Variants in SH3RF3 observed in about 807,000 individuals in gnomAD.
SH3RF3 encodes SH3 domain containing ring finger 3.
Under a neutral mutation model 66.3 loss-of-function variants are expected in SH3RF3, and 29 were observed. That is an observed-to-expected ratio of 0.44 (90% CI 0.33 to 0.60). SH3RF3 has a LOEUF of 0.60. SH3RF3 is among the 20% of genes least tolerant of loss of function. The pLI is 0.04. For synonymous variants in SH3RF3, 583 were observed against 532.0 expected (o/e 1.10, Z -1.32); for missense variants, 1,194 against 1,190.9 (o/e 1.00, Z -0.04).
At chr2:109,400,269 C>T (rs1276876901) in intron 4 of SH3RF3, among the ~76,000 whole-genome samples, 2 of 151,712 alleles carry the variant, frequency 1.3e-5, no homozygotes, top group African/African-American at 4.8e-5. Flanking sequence ...ACATGCCCGC[C>T]CGCACATATG....
chr2:109,353,831 G>GGT (rs977934291), intron 2 of SH3RF3, among the ~76,000 whole-genome samples: 6 of 152,122 alleles, frequency 3.9e-5, no homozygotes, highest in Non-Finnish European at 8.8e-5. Flanking sequence ...GCAGTGAGAG[G>GGT]GTGTGATCTC....
chr2:109,347,575 C>T, intron 1 of SH3RF3, 99 bp from the exon 2 acceptor site: 2 of 1,481,478 alleles, frequency 1.3e-6, no homozygotes, highest in Admixed American at 2.2e-5. Flanking sequence ...CCCCAGGACA[C>T]AGAAAGCCCC....
intron 4 of SH3RF3, among the ~76,000 whole-genome samples, chr2:109,400,068 G>T (rs956041943): frequency 6.6e-6 from 1 of 152,228 alleles, no homozygotes; most frequent in African/African-American, 2.4e-5. Flanking sequence ...TAAGCAACTG[G>T]CTGGGAAGAA....
chr2:109,250,571 A>G (rs1392097327), intron 1 of SH3RF3, among the ~76,000 whole-genome samples: 1 of 152,048 alleles, frequency 6.6e-6, no homozygotes, highest in Non-Finnish European at 1.5e-5. Context: ...CATGATAAAT[A>G]CAGAAAAACC....
intron 4 of SH3RF3, among the ~76,000 whole-genome samples, chr2:109,407,892 G>A (rs982703782): frequency 2.6e-5 from 4 of 152,182 alleles, no homozygotes; most frequent in African/African-American, 9.7e-5. Context: ...GCGTCCTGAT[G>A]ATTTTTGTCG....
At chr2:109,239,408 G>A (rs1679725745) in intron 1 of SH3RF3, among the ~76,000 whole-genome samples, 1 of 152,188 alleles carries the variant, frequency 6.6e-6, no homozygotes, top group Non-Finnish European at 1.5e-5. Flanking sequence ...ATAAGAATAA[G>A]GATACAGTTT....
intron 1 of SH3RF3, among the ~76,000 whole-genome samples, chr2:109,340,119 T>C (rs1682526893): frequency 6.6e-6 from 1 of 152,142 alleles, no homozygotes; most frequent in African/African-American, 2.4e-5. Flanking sequence ...AAATAATGGC[T>C]GAGTTACTTT....
chr2:109,347,848 T>TGCATCCAGC lies in SH3RF3; in HGVS notation c.749_757dup (p.Gln252_Pro253insArgIleGln). ...CTTCCTCCCAGCCAGCTATATCCAG[T>TGCATCCAGC]GCATCCAGCCCTTGCCACACGCCCC... On this transcript the variant is annotated inframe_insertion, in exon 2 of 10. Coordinates refer to ENST00000309415, the MANE Select transcript of SH3RF3 (RefSeq NM_001099289.3). The TGCATCCAGC allele has an allele frequency of 6.2e-7, 1 of 1,613,826 alleles. No homozygotes were observed. Among genetic ancestry groups the TGCATCCAGC allele is most frequent in the Non-Finnish European group, 8.5e-7 (1 of 1,179,824 alleles).
chr2:109,318,032 G>A (rs1681927597), intron 1 of SH3RF3, among the ~76,000 whole-genome samples: 1 of 151,562 alleles, frequency 6.6e-6, no homozygotes, highest in South Asian at 2.1e-4. Flanking sequence ...GCAAAGGGCA[G>A]GGAGGATCAT....
At position 109,130,105 on chromosome 2, in the gene SH3RF3, G is replaced by A. The variant is rs1046116275; in HGVS notation, c.565G>A (p.Ala189Thr). ...GCTGGCGACCAGCAGGACCGCGCCGGCGGCAAAGGTGAGTATCTGTCTCGG... is the reference window on the plus strand; with the variant it reads ...GCTGGCGACCAGCAGGACCGCGCCGACGGCAAAGGTGAGTATCTGTCTCGG... ...RELATSRTAP[A>T]AKNPCLLPYG... is the part of the protein sequence containing the mutation. Residue 189 changes from alanine to threonine, a missense_variant, in exon 1 of 10, where the codon GCG becomes ACG. Physicochemically the swap from Ala to Thr is moderately conservative, Grantham distance 58 (BLOSUM62 0). Coordinates refer to ENST00000309415, the MANE Select transcript of SH3RF3 (RefSeq NM_001099289.3). The A allele has an allele frequency of 4.5e-6, 6 of 1,330,310 alleles. No individual in the cohort carries two copies. In the African/African-American group the frequency reaches 7.7e-5, roughly 17 times the overall value. 82.4% of individuals were successfully genotyped at this position (1,330,310 alleles called of 1,614,324 possible). A position where few individuals can be genotyped will look rare whatever the true frequency, so the allele number is the denominator to read the frequency against.
At chr2:109,240,003 C>G (rs1230723730) in intron 1 of SH3RF3, among the ~76,000 whole-genome samples, 1 of 152,210 alleles carries the variant, frequency 6.6e-6, no homozygotes, top group African/African-American at 2.4e-5. Context: ...CTTGCTGGCT[C>G]ATGATAGATG....
Position 109,156,325 on chromosome 2 carries a change from G to C in SH3RF3, c.573+26212G>C, listed in dbSNP as rs184645970. 3.3e-5 allele frequency among the ~76,000 whole-genome samples: 5 copies of C among 152,316 alleles called. No homozygotes were observed. In the East Asian group the frequency reaches 9.6e-4, roughly 29 times the overall value. On this transcript the variant is annotated intron_variant, in intron 1 of 9. Coordinates refer to ENST00000309415, the MANE Select transcript of SH3RF3 (RefSeq NM_001099289.3). The stretch of plus-strand genomic sequence containing the variant: ...TTCTCCGCCCCTCGCATCTTCCCCT[G>C]CTGGGACTGTGCTTTCTCTCCTAGA...
intron 1 of SH3RF3, among the ~76,000 whole-genome samples, chr2:109,149,460 A>G (rs10188630): frequency 0.69 from 104,375 of 152,130 alleles, 36,738 homozygotes; most frequent in Non-Finnish European, 0.72. Flanking sequence ...AGGTTGCCAC[A>G]GCATTTCATG....
At chr2:109,307,956 G>T (rs1338402321) in intron 1 of SH3RF3, among the ~76,000 whole-genome samples, 4 of 135,020 alleles carry the variant, frequency 3.0e-5, no homozygotes, top group Admixed American at 1.5e-4. Context: ...GGATGGCTGG[G>T]TCAAATGGTA....
chr2:109,360,240 A>G (rs1404128086), intron 2 of SH3RF3, among the ~76,000 whole-genome samples: 1 of 152,196 alleles, frequency 6.6e-6, no homozygotes, highest in African/African-American at 2.4e-5. Flanking sequence ...TCACTGTATT[A>G]ATAATATGTC....
chr2:109,239,252 G>T (rs1679722821), intron 1 of SH3RF3, among the ~76,000 whole-genome samples: 1 of 152,072 alleles, frequency 6.6e-6, no homozygotes, highest in Non-Finnish European at 1.5e-5. Context: ...AGCTCACCTG[G>T]GTTTCTCACA....
chr2:109,222,835 C>T (rs1679286219), intron 1 of SH3RF3, among the ~76,000 whole-genome samples: 1 of 152,272 alleles, frequency 6.6e-6, no homozygotes, highest in Non-Finnish European at 1.5e-5. Context: ...TTTTCCAGTT[C>T]TCAGCCAGCA....
Position 109,169,696 on chromosome 2 carries a change from C to A in SH3RF3, c.573+39583C>A, listed in dbSNP as rs61576679. On this transcript the variant is annotated intron_variant, in intron 1 of 9. Transcript: ENST00000309415. ...AATTGTTTTCATTGTTTGGCTATAT[C>A]TCTCTCTCTATATATATCTATATAT... Among the ~76,000 whole-genome samples, 125 of 151,816 alleles carry A rather than the reference C, an allele frequency of 8.2e-4. 2 individuals are homozygous for A. In the East Asian group the frequency reaches 0.02, roughly 24 times the overall value.
intron 3 of SH3RF3, among the ~76,000 whole-genome samples, chr2:109,380,205 G>T (rs896539995): frequency 6.6e-6 from 1 of 152,088 alleles, no homozygotes. Flanking sequence ...GTACCGGCTC[G>T]CCCTGATTTC....
Sources: gnomAD v4.1 joint callset for allele counts (sites outside exome capture counted in the v4.1 genomes callset) on GRCh38, gnomAD v4.1.1 for gene constraint, MANE v1.5 for transcripts, NCBI Gene and HGNC (gene_info 2026-07-23, HGNC 2026-07-21) for gene names.